The following KIAA1549L variants were observed in gnomAD, a reference collection of about 807,000 sequenced individuals.
KIAA1549L encodes UPF0606 protein KIAA1549L.
A neutral mutation model predicts 160.7 loss-of-function variants in KIAA1549L; 88 were observed. That is an observed-to-expected ratio of 0.55 (90% confidence interval 0.46 to 0.65). The LOEUF is 0.65. Among genes scored for constraint, KIAA1549L ranks in the 30% least tolerant of loss-of-function variants. KIAA1549L has a pLI of 0.00. For synonymous variants in KIAA1549L, 950 were observed against 976.7 expected (o/e 0.97, Z 0.51); for missense variants, 2,258 against 2,437.5 (o/e 0.93, Z 1.55).
intron 1 of KIAA1549L, among the ~76,000 whole-genome samples, chr11:33,477,763 A>T (rs780953370): frequency 2.6e-5 from 4 of 151,932 alleles, no homozygotes; most frequent in African/African-American, 4.8e-5. Context: ...TCCTCGAAGG[A>T]CTGTATAATT....
chr11:33,553,181 G>A (rs1164666200), intron 6 of KIAA1549L, among the ~76,000 whole-genome samples: 4 of 152,154 alleles, frequency 2.6e-5, no homozygotes, highest in South Asian at 4.1e-4. Context: ...TTAATTATTT[G>A]TAGAGATGGA....
At chr11:33,629,585 C>G (rs1190938667) in intron 16 of KIAA1549L, among the ~76,000 whole-genome samples, 1 of 151,654 alleles carries the variant, frequency 6.6e-6, no homozygotes, top group African/African-American at 2.4e-5. Flanking sequence ...CACATCGGCT[C>G]CTGAGGCTTC....
intron 16 of KIAA1549L, among the ~76,000 whole-genome samples, chr11:33,625,134 AC>A (rs1302050174): frequency 6.6e-6 from 1 of 151,810 alleles, no homozygotes; most frequent in East Asian, 1.9e-4. Flanking sequence ...TATATGTGCC[AC>A]ATTTTCTTAA....
In KIAA1549L at chr11:33,443,331, T is replaced by G. The variant is rs567773745; in HGVS notation, c.238+66442T>G. ...CTCTTCTTTTTAGTGATTTTTTTTTTTTGTTATAAACCTATTTCCTTAAAA... is the reference window on the plus strand; with the variant it reads ...CTCTTCTTTTTAGTGATTTTTTTTTGTTGTTATAAACCTATTTCCTTAAAA... On this transcript the variant is annotated intron_variant, in intron 1 of 20. Coordinates refer to ENST00000658780, the MANE Select transcript of KIAA1549L (RefSeq NM_012194.3). 9.2e-5 allele frequency among the ~76,000 whole-genome samples: 14 copies of G among 152,262 alleles called. No homozygotes were observed. In the South Asian group the frequency reaches 1.0e-3, roughly 11 times the overall value.
intron 1 of KIAA1549L, among the ~76,000 whole-genome samples, chr11:33,449,055 A>G (rs541687961): frequency 7.9e-5 from 12 of 152,300 alleles, no homozygotes; most frequent in African/African-American, 2.6e-4. Context: ...GTGGAACTCA[A>G]GTTTGATCTT....
chr11:33,399,127 A>G (rs1288217062), intron 1 of KIAA1549L, among the ~76,000 whole-genome samples: 1 of 151,816 alleles, frequency 6.6e-6, no homozygotes, highest in Non-Finnish European at 1.5e-5. Flanking sequence ...TAATTTTTGT[A>G]TTTTTAGTAG....
chr11:33,485,788 C>G (rs1461815991), intron 1 of KIAA1549L, among the ~76,000 whole-genome samples: 5 of 152,108 alleles, frequency 3.3e-5, no homozygotes, highest in Non-Finnish European at 7.4e-5. Context: ...ATTCCCACCC[C>G]AACCCCAGCC....
chr11:33,595,828 G>A (rs181080446), intron 12 of KIAA1549L, among the ~76,000 whole-genome samples: 51 of 152,252 alleles, frequency 3.3e-4, no homozygotes, highest in African/African-American at 1.2e-3. Flanking sequence ...AGGAGAAACC[G>A]GTGGTTTGAT....
intron 16 of KIAA1549L, among the ~76,000 whole-genome samples, chr11:33,633,680 C>T (rs867319809): frequency 6.6e-6 from 1 of 152,204 alleles, no homozygotes; most frequent in Non-Finnish European, 1.5e-5. Flanking sequence ...GATATGTTTA[C>T]TTTCGGGTGG....
At chr11:33,564,477 A>G (rs1854981235) in intron 8 of KIAA1549L, among the ~76,000 whole-genome samples, 3 of 152,252 alleles carry the variant, frequency 2.0e-5, no homozygotes, top group Admixed American at 6.5e-5. Flanking sequence ...CTTGATGGAA[A>G]ATCACTGGCT....
At chr11:33,628,112 T>A (rs1029032169) in intron 16 of KIAA1549L, among the ~76,000 whole-genome samples, 6 of 151,682 alleles carry the variant, frequency 4.0e-5, no homozygotes, top group South Asian at 2.1e-4. Flanking sequence ...AGATTCTTAA[T>A]CCTGAGTTCT....
chr11:33,478,790 G>T (rs111974123), intron 1 of KIAA1549L, among the ~76,000 whole-genome samples: 1 of 152,072 alleles, frequency 6.6e-6, no homozygotes, highest in East Asian at 1.9e-4. Flanking sequence ...AGGCTGGAGC[G>T]CAGTGGCACG....
chr11:33,384,664 G>C (rs1850137304), intron 1 of KIAA1549L, among the ~76,000 whole-genome samples: 1 of 151,918 alleles, frequency 6.6e-6, no homozygotes, highest in Admixed American at 6.6e-5. Context: ...TAGCTGTTTA[G>C]TGGTATCTCA....
At chr11:33,596,256 C>T (rs1850196629) in intron 12 of KIAA1549L, among the ~76,000 whole-genome samples, 1 of 152,186 alleles carries the variant, frequency 6.6e-6, no homozygotes, top group African/African-American at 2.4e-5. Context: ...ACAAATCTCA[C>T]TCTATTTTTG....
chr11:33,435,761 T>TAC (rs1851340565), intron 1 of KIAA1549L, among the ~76,000 whole-genome samples: 17 of 34,358 alleles, frequency 4.9e-4, no homozygotes, highest in African/African-American at 1.4e-3. Flanking sequence ...ACCAATAAGA[T>TAC]ATATATATAT....
At chr11:33,511,196 G>A (rs944210679) in intron 1 of KIAA1549L, among the ~76,000 whole-genome samples, 3 of 152,162 alleles carry the variant, frequency 2.0e-5, no homozygotes, top group Non-Finnish European at 4.4e-5. Flanking sequence ...GTTGGCTTTT[G>A]TCTGCAGTAT....
intron 1 of KIAA1549L, among the ~76,000 whole-genome samples, chr11:33,384,757 C>A (rs946417774): frequency 1.3e-5 from 2 of 152,066 alleles, no homozygotes; most frequent in African/African-American, 2.4e-5. Context: ...ATCTATATCT[C>A]TACTTTGAAG....
At chr11:33,654,164 G>A (rs1193623316) in intron 17 of KIAA1549L, among the ~76,000 whole-genome samples, 2 of 151,396 alleles carry the variant, frequency 1.3e-5, no homozygotes, top group African/African-American at 4.8e-5. Context: ...AGTAGAGACG[G>A]GGTTTCACCA....
intron 1 of KIAA1549L, among the ~76,000 whole-genome samples, chr11:33,408,073 CTTG>C (rs1297955672): frequency 2.0e-5 from 3 of 152,086 alleles, no homozygotes; most frequent in African/African-American, 7.2e-5. Context: ...AAAATTTTAC[CTTG>C]TTGTTTAATT....
Sources: allele counts gnomAD v4.1 joint callset (sites outside exome capture counted in the v4.1 genomes callset), GRCh38; gene constraint gnomAD v4.1.1; transcripts MANE v1.5; gene names NCBI Gene and HGNC (gene_info 2026-07-23, HGNC 2026-07-21).